Variants in ANO5 observed in about 807,000 individuals in gnomAD.
ANO5 encodes the protein anoctamin 5.
In ANO5, 109 loss-of-function variants were observed where a neutral mutation model predicts 121.0. The ratio of observed to expected loss-of-function variants is 0.90; its 90% CI spans 0.77 to 1.06. ANO5 has a LOEUF of 1.06. ANO5 is among the 50% of genes least tolerant of loss of function. The pLI, the probability that ANO5 is intolerant of heterozygous loss-of-function variation, is 0.00. For synonymous variants in ANO5, 406 were observed against 359.9 expected (o/e 1.13, Z -1.45); for missense variants, 1,064 against 1,078.5 (o/e 0.99, Z 0.19).
chr11:22,225,035 C>T (rs967763362), intron 5 of ANO5, among the ~76,000 whole-genome samples: 1 of 151,834 alleles, frequency 6.6e-6, no homozygotes, highest in Non-Finnish European at 1.5e-5. Context: ...GGGGGAAAAA[C>T]AATATAATGC....
At chr11:22,233,600 C>T (rs1440791752) in intron 7 of ANO5, among the ~76,000 whole-genome samples, 2 of 151,772 alleles carry the variant, frequency 1.3e-5, no homozygotes, top group African/African-American at 4.8e-5. Flanking sequence ...GATTAAGAAA[C>T]AAAAAGAAGT....
intron 9 of ANO5, among the ~76,000 whole-genome samples, chr11:22,248,397 TG>T (rs1853693468): frequency 6.6e-6 from 1 of 152,108 alleles, no homozygotes; most frequent in Non-Finnish European, 1.5e-5. Context: ...GAGTGTCTCA[TG>T]TTATTAGATT....
At chr11:22,275,051 A>G (rs746061924) in intron 20 of ANO5, among the ~76,000 whole-genome samples, 17 of 152,128 alleles carry the variant, frequency 1.1e-4, no homozygotes, top group Non-Finnish European at 2.2e-4. Flanking sequence ...TGTCACCAAC[A>G]AGTGCCCCTT....
intron 6 of ANO5, among the ~76,000 whole-genome samples, 192 bp from the exon 7 acceptor site, chr11:22,227,110 A>G (rs766261360): frequency 6.6e-6 from 1 of 151,630 alleles, no homozygotes; most frequent in Non-Finnish European, 1.5e-5. Context: ...TTATATGTAT[A>G]CATATATACA....
Position 22,221,217 on chromosome 11 carries a change from G to A in ANO5, c.294+7G>A, listed in dbSNP as rs376201886. ...AGACGCAGAGTTAAAGGCGGTAAGT[G>A]CATTATAACAGAAGTGGGAATAATA... On this transcript the variant is annotated splice_region_variant and intron_variant, in intron 5 of 21. Transcript: ENST00000324559. 1.3e-6 allele frequency: 2 copies of A among 1,575,794 alleles called. No homozygotes were observed. The highest frequency in any genetic ancestry group is 2.2e-5 in the South Asian group (2 of 90,262).
chr11:22,250,645 G>A, intron 10 of ANO5, 96 bp from the exon 11 acceptor site: 2 of 1,265,166 alleles, frequency 1.6e-6, no homozygotes, highest in Non-Finnish European at 2.3e-6. Flanking sequence ...TCTGTTATAT[G>A]TGAGAAGTTA....
rs555414576 is a variant in ANO5 at position 22,224,493 on chromosome 11, A to G, written c.295-1491A>G. 3.9e-4 allele frequency among the ~76,000 whole-genome samples: 59 copies of G among 152,240 alleles called. No homozygotes were observed. In the South Asian group the frequency reaches 4.6e-3, roughly 12 times the overall value. ...CAATGGAGAAAAGATAGGCTTTTCA[A>G]TAAATGATGCTGATGAAACTGGATA... On this transcript the variant is annotated intron_variant, in intron 5 of 21. Transcript: ENST00000324559.
At chr11:22,203,174 A>AT (rs1423815311) in intron 1 of ANO5, among the ~76,000 whole-genome samples, 3 of 152,186 alleles carry the variant, frequency 2.0e-5, no homozygotes, top group Admixed American at 6.5e-5. Flanking sequence ...CTCCAAAAAA[A>AT]ATATATAGGA....
Position 22,270,368 on chromosome 11 carries a change from A to G in ANO5, c.1955A>G (p.Tyr652Cys), listed in dbSNP as rs563666662. Residue 652 changes from tyrosine to cysteine, a missense_variant, in exon 18 of 22, where the codon TAT becomes TGT. Coordinates refer to ENST00000324559, the MANE Select transcript of ANO5 (RefSeq NM_213599.3). ...RKARTNSEKL[Y>C]SRWEQDHDLE... ...GCTCGGACAAACTCTGAGAAGCTGT[A>G]TAGTCGATGGGAGCAGGATCATGAC... 3.1e-6 allele frequency: 5 copies of G among 1,614,160 alleles called. No individual in the cohort carries two copies. Among genetic ancestry groups the G allele is most frequent in the Non-Finnish European group, 4.2e-6 (5 of 1,180,006 alleles).
intron 2 of ANO5, among the ~76,000 whole-genome samples, chr11:22,206,009 G>C (rs773478855): frequency 3.3e-4 from 50 of 152,054 alleles, no homozygotes; most frequent in Non-Finnish European, 6.3e-4. Context: ...AGGCTTAAAT[G>C]GTCTCATTGG....
At chr11:22,229,350 A>C (rs77162063) in intron 7 of ANO5, among the ~76,000 whole-genome samples, 3,583 of 152,088 alleles carry the variant, frequency 0.024, 139 homozygotes, top group African/African-American at 0.081. Context: ...TGACAGGAAT[A>C]GTCAACAAAA....
At chr11:22,233,110 G>A (rs1041841852) in intron 7 of ANO5, among the ~76,000 whole-genome samples, 3 of 151,812 alleles carry the variant, frequency 2.0e-5, no homozygotes, top group African/African-American at 7.3e-5. Context: ...TTTATTCCAA[G>A]AAAAAACAAA....
chr11:22,262,509 G>A (rs1854223121), intron 16 of ANO5, among the ~76,000 whole-genome samples: 1 of 152,106 alleles, frequency 6.6e-6, no homozygotes, highest in Admixed American at 6.6e-5. Context: ...TATGCCTATG[G>A]TTTAGCAGTA....
intron 9 of ANO5, among the ~76,000 whole-genome samples, chr11:22,244,476 C>T (rs1853551233): frequency 6.6e-6 from 1 of 151,968 alleles, no homozygotes; most frequent in Non-Finnish European, 1.5e-5. Flanking sequence ...ACTATATCCT[C>T]AAGCACTTTT....
chr11:22,226,183 C>T (rs553543961), intron 6 of ANO5, 131 bp downstream of exon 6: 14 of 726,926 alleles, frequency 1.9e-5, no homozygotes, highest in Admixed American at 6.8e-5. Flanking sequence ...ATATGTGCAC[C>T]GGGATGATAG....
Position 22,236,158 on chromosome 11 carries a change from T to A in ANO5, c.649-5T>A, listed in dbSNP as rs200931807. On this transcript the variant is annotated splice_polypyrimidine_tract_variant and splice_region_variant and intron_variant, in intron 7 of 21. Coordinates refer to ENST00000324559, the MANE Select transcript of ANO5 (RefSeq NM_213599.3). The stretch of plus-strand genomic sequence containing the variant: ...TGATAGTGTCTCTTTGCACTTACCT[T>A]GTAGGTGTACTATATTCTCTCAAGA... The A allele has an allele frequency of 6.3e-7, 1 of 1,588,078 alleles. No homozygotes were observed. Among genetic ancestry groups the A allele is most frequent in the East Asian group, 2.2e-5 (1 of 44,548 alleles).
At chr11:22,224,049 G>T (rs1333699118) in intron 5 of ANO5, among the ~76,000 whole-genome samples, 1 of 151,868 alleles carries the variant, frequency 6.6e-6, no homozygotes, top group Non-Finnish European at 1.5e-5. Flanking sequence ...TATTGTGTAT[G>T]TTCTTCATGT....
At chr11:22,225,220 G>A (rs573924985) in intron 5 of ANO5, among the ~76,000 whole-genome samples, 27 of 152,206 alleles carry the variant, frequency 1.8e-4, no homozygotes, top group Admixed American at 1.6e-3. Flanking sequence ...TGCTTTGGCA[G>A]GCTAAGGCGG....
chr11:22,241,187 C>G (rs1853417688), intron 9 of ANO5, among the ~76,000 whole-genome samples: 1 of 152,170 alleles, frequency 6.6e-6, no homozygotes, highest in African/African-American at 2.4e-5. Context: ...CCCACACTAC[C>G]TCCTCTAGTG....
Sources: allele counts gnomAD v4.1 joint callset (sites outside exome capture counted in the v4.1 genomes callset), GRCh38; gene constraint gnomAD v4.1.1; transcripts MANE v1.5; gene names NCBI Gene and HGNC (gene_info 2026-07-23, HGNC 2026-07-21).